The following ITIH5 variants were observed in gnomAD, a reference collection of about 807,000 sequenced individuals.
The protein encoded by ITIH5 is inter-alpha-trypsin inhibitor heavy chain H5.
In ITIH5, 65 loss-of-function variants were observed where a neutral mutation model predicts 77.5. The observed-to-expected ratio is 0.84, with a 90% CI of 0.69 to 1.03. The LOEUF (loss-of-function observed/expected upper bound fraction) is 1.03, where lower values mean the gene tolerates loss of function less well. ITIH5 is among the 50% of genes least tolerant of loss of function. The probability of loss-of-function intolerance (pLI) is 0.00; values close to 1 mark genes in which losing one functional copy is unlikely to be tolerated. For missense variants in ITIH5, 1,208 were observed against 1,213.1 expected (o/e 1.00, Z 0.06); for synonymous variants, 525 against 494.3 (o/e 1.06, Z -0.82).
At chr10:7,629,330 AGC>A (rs1588413313) in intron 5 of ITIH5, among the ~76,000 whole-genome samples, 2 of 80,258 alleles carry the variant, frequency 2.5e-5, no homozygotes, top group African/African-American at 5.8e-5. Flanking sequence ...CCCATGTTGT[AGC>A]GTGTGCCCAT....
At chr10:7,594,666 A>G (rs919098939) in intron 7 of ITIH5, among the ~76,000 whole-genome samples, 2 of 152,176 alleles carry the variant, frequency 1.3e-5, no homozygotes, top group Admixed American at 6.5e-5. Flanking sequence ...TTGGGGCCAT[A>G]AGAAGAGTTT....
At chr10:7,612,262 C>A (rs1212362624) in intron 7 of ITIH5, among the ~76,000 whole-genome samples, 1 of 152,154 alleles carries the variant, frequency 6.6e-6, no homozygotes, top group Non-Finnish European at 1.5e-5. Flanking sequence ...TACACGCTCC[C>A]ATATGGTTAC....
chr10:7,612,258 C>T (rs971793656), intron 7 of ITIH5, among the ~76,000 whole-genome samples: 2 of 152,292 alleles, frequency 1.3e-5, no homozygotes, highest in South Asian at 2.1e-4. Flanking sequence ...CAGCTACACG[C>T]TCCCATATGG....
chr10:7,624,832 TACATGTATATACAC>T (rs1833540716), intron 5 of ITIH5, among the ~76,000 whole-genome samples: 1 of 138,812 alleles, frequency 7.2e-6, no homozygotes, highest in South Asian at 2.2e-4. Context: ...TATGTGTATA[TACATGTATATACAC>T]ATATATATGT....
chr10:7,569,666 AC>A lies in ITIH5; in HGVS notation c.2149+1del. 1 of 1,594,448 alleles carries A rather than the reference AC, an allele frequency of 6.3e-7. No homozygotes were observed. The highest frequency in any genetic ancestry group is 8.6e-7 in the Non-Finnish European group (1 of 1,169,568). On this transcript the variant is annotated splice_donor_variant, in intron 12 of 13. Transcript: ENST00000397146. LOFTEE classifies it high-confidence loss of function. ...GATGCTGCAGCGGAAGGTAGAACTT[AC>A]CAGAGTCCCTGTGATCAGAGACCAG... is the stretch of plus-strand genomic sequence containing the variant.
At chr10:7,633,678 A>C (rs1166723940) in intron 5 of ITIH5, among the ~76,000 whole-genome samples, 1 of 152,186 alleles carries the variant, frequency 6.6e-6, no homozygotes, top group Non-Finnish European at 1.5e-5. Context: ...ATTGAAAAAA[A>C]AAAGCTAAGA....
chr10:7,592,071 A>C (rs573594891), intron 7 of ITIH5, among the ~76,000 whole-genome samples: 1 of 152,100 alleles, frequency 6.6e-6, no homozygotes, highest in Admixed American at 6.5e-5. Flanking sequence ...GGGTCTCACT[A>C]TGTTGGCCAG....
intron 7 of ITIH5, among the ~76,000 whole-genome samples, chr10:7,599,830 A>G (rs1832979939): frequency 6.6e-6 from 1 of 152,234 alleles, no homozygotes; most frequent in Non-Finnish European, 1.5e-5. Context: ...GAGGAAGTGG[A>G]GGCCCCTCCA....
chr10:7,652,855 G>A (rs903956655), intron 2 of ITIH5, among the ~76,000 whole-genome samples: 2 of 151,882 alleles, frequency 1.3e-5, no homozygotes, highest in African/African-American at 4.8e-5. Context: ...TTGACAATGA[G>A]GTGGATAAAA....
intron 11 of ITIH5, 197 bp downstream of exon 11, chr10:7,572,945 T>C (rs970956222): frequency 9.9e-6 from 5 of 506,678 alleles, no homozygotes; most frequent in African/African-American, 9.8e-5. Flanking sequence ...GCCTGGCTAA[T>C]TTTTGTATTT....
chr10:7,622,629 A>G (rs1833492409), intron 5 of ITIH5, among the ~76,000 whole-genome samples: 1 of 152,240 alleles, frequency 6.6e-6, no homozygotes. Context: ...TTAAAAGGAC[A>G]GACACATAAT....
intron 8 of ITIH5, among the ~76,000 whole-genome samples, chr10:7,584,336 C>T (rs576025236): frequency 4.1e-4 from 60 of 146,830 alleles, no homozygotes; most frequent in African/African-American, 1.2e-3. Flanking sequence ...GACAGAGTCT[C>T]GCTGTCACCC....
intron 1 of ITIH5, among the ~76,000 whole-genome samples, chr10:7,662,793 C>A (rs921982273): frequency 1.6e-4 from 24 of 152,292 alleles, no homozygotes; most frequent in African/African-American, 5.5e-4. Context: ...CTCATTTCAA[C>A]AATCCAGCCC....
intron 5 of ITIH5, among the ~76,000 whole-genome samples, chr10:7,635,222 G>T (rs1833780178): frequency 6.6e-6 from 1 of 152,202 alleles, no homozygotes; most frequent in Admixed American, 6.5e-5. Context: ...TTATTACAGA[G>T]GTAAGTTTTG....
In ITIH5 at chr10:7,580,591, C is replaced by T. The variant is rs118011640; in HGVS notation, c.1109-527G>A. Among the ~76,000 whole-genome samples, 259 of 152,348 alleles carry T rather than the reference C, an allele frequency of 1.7e-3. 4 individuals carry two copies. In the East Asian group the frequency reaches 0.039, roughly 23 times the overall value. On this transcript the variant is annotated intron_variant, in intron 8 of 13. Coordinates refer to ENST00000397146, the MANE Select transcript of ITIH5 (RefSeq NM_030569.7). ...ACCTTCTCCAGAAGGCATGTGGCGACGCCTTAGCTTACCTGAGCTTCAATG... is the reference window on the plus strand; with the variant it reads ...ACCTTCTCCAGAAGGCATGTGGCGATGCCTTAGCTTACCTGAGCTTCAATG...
rs1232493954 is a variant in ITIH5 at position 7,566,796 on chromosome 10, A to AGAAGAG, written c.2150-395_2150-390dup. On this transcript the variant is annotated intron_variant, in intron 12 of 13. Transcript: ENST00000397146. ...AAAGAAGAAAGAAGAAAGAAGAAGAAGAAGAGGAAGAGGAAGAGGAAGAGG... is the reference window on the plus strand; with the variant it reads ...AAAGAAGAAAGAAGAAAGAAGAAGAAGAAGAGGAAGAGGAAGAGGAAGAGGAAGAGG... Among the ~76,000 whole-genome samples the AGAAGAG allele has an allele frequency of 6.8e-4, 2 of 2,946 alleles. 1 individual carries two copies. The highest frequency in any genetic ancestry group is 1.3e-3 in the African/African-American group (2 of 1,574). 1.9% of individuals were successfully genotyped at this position (2,946 alleles called of 152,430 possible).
intron 7 of ITIH5, among the ~76,000 whole-genome samples, chr10:7,596,501 A>G (rs2130996911): frequency 6.6e-6 from 1 of 152,288 alleles, no homozygotes; most frequent in East Asian, 1.9e-4. Flanking sequence ...CTCTTGTGCC[A>G]CAAACCCTAG....
At chr10:7,600,701 T>C in intron 7 of ITIH5, 1 of 403,024 alleles carries the variant, frequency 2.5e-6, no homozygotes, top group Non-Finnish European at 4.9e-6. Context: ...AATTCAAAGG[T>C]TGAAATCCTA....
At chr10:7,612,244 TC>T (rs1833261577) in intron 7 of ITIH5, among the ~76,000 whole-genome samples, 1 of 152,104 alleles carries the variant, frequency 6.6e-6, no homozygotes, top group Admixed American at 6.5e-5. Context: ...GAATAAATGT[TC>T]TGCAGCTACA....
Sources: allele counts gnomAD v4.1 joint callset (sites outside exome capture counted in the v4.1 genomes callset), GRCh38; gene constraint gnomAD v4.1.1; transcripts MANE v1.5; gene names NCBI Gene and HGNC (gene_info 2026-07-23, HGNC 2026-07-21).